The following DUSP15 variants were observed in gnomAD, a reference collection of about 807,000 sequenced individuals.
DUSP15 encodes the protein dual specificity protein phosphatase 15.
A neutral mutation model predicts 26.3 loss-of-function variants in DUSP15; 23 were observed. The observed-to-expected ratio is 0.87, with a 90% CI of 0.63 to 1.24. The LOEUF (loss-of-function observed/expected upper bound fraction) is 1.24, where lower values mean the gene tolerates loss of function less well. Among genes scored for constraint, DUSP15 ranks in the 50% most tolerant of loss-of-function variants. The pLI is 0.00. For missense variants in DUSP15, 364 were observed against 320.6 expected (o/e 1.14, Z -1.03); for synonymous variants, 143 against 135.5 (o/e 1.06, Z -0.39).
intron 6 of DUSP15, among the ~76,000 whole-genome samples, chr20:31,855,885 C>T (rs1440749337): frequency 2.0e-5 from 3 of 152,122 alleles, no homozygotes; most frequent in Non-Finnish European, 4.4e-5. Context: ...TGAGTTGGAG[C>T]TTAATAAATG....
intron 6 of DUSP15, among the ~76,000 whole-genome samples, chr20:31,852,470 G>A (rs2062486325): frequency 6.6e-6 from 1 of 152,210 alleles, no homozygotes; most frequent in African/African-American, 2.4e-5. Flanking sequence ...TCCAGGGGCA[G>A]GATGGTACCT....
chr20:31,862,878 TC>T, intron 5 of DUSP15, 136 bp from the exon 6 acceptor site: 2 of 881,988 alleles, frequency 2.3e-6, no homozygotes, highest in Non-Finnish European at 1.7e-6. Context: ...GGACTTGCCA[TC>T]CCACCTCCAG....
chr20:31,845,966 CAA>C (rs1568645957), downstream of DUSP15, among the ~76,000 whole-genome samples: 1 of 151,914 alleles, frequency 6.6e-6, no homozygotes, highest in Non-Finnish European at 1.5e-5. Flanking sequence ...AGAGACATCA[CAA>C]GAGGGAGAAA....
intron 8 of DUSP15, chr20:31,848,929 A>G (rs756595754): frequency 6.3e-7 from 1 of 1,586,628 alleles, no homozygotes; most frequent in Admixed American, 1.7e-5. Context: ...CAATTATACG[A>G]CACTGAGACT....
intron 6 of DUSP15, among the ~76,000 whole-genome samples, chr20:31,852,770 C>T (rs1190903126): frequency 1.3e-5 from 2 of 152,194 alleles, no homozygotes; most frequent in Admixed American, 1.3e-4. Context: ...GAGATCTCGC[C>T]ATTGCACTCC....
intron 6 of DUSP15, among the ~76,000 whole-genome samples, chr20:31,861,918 C>A (rs1211821460): frequency 1.3e-5 from 2 of 152,092 alleles, no homozygotes; most frequent in African/African-American, 2.4e-5. Flanking sequence ...CTTTGACACG[C>A]CAGCTTCCAG....
At chr20:31,849,978 G>A (rs2062441141) in intron 7 of DUSP15, 2 of 1,375,040 alleles carry the variant, frequency 1.5e-6, no homozygotes, top group African/African-American at 1.5e-5. Context: ...GGTCGTCCCA[G>A]CCTCTACCTC....
At chr20:31,861,824 C>T (rs535044751) in intron 6 of DUSP15, 149 bp from the exon 7 acceptor site, 18 of 643,102 alleles carry the variant, frequency 2.8e-5, no homozygotes, top group Middle Eastern at 4.4e-4. Flanking sequence ...TCTTCTTTGC[C>T]TCCCTTCTCC....
chr20:31,862,597 C>A lies in DUSP15; in HGVS notation c.409G>T (p.Glu137Ter). Reference protein sequence around the residue: ...PNPGFRQQLEEFGWASSQKLR... With the variant: ...PNPGFRQQLE ...TTCTGGGAACTGGCCCAGCCAAACT[C>A]TTCAAGCTGCTGCCTAAAGCCTGGG... Residue 137 changes from glutamate to a stop codon, truncating the protein, a stop_gained, in exon 6 of 7, where the codon GAG becomes TAG. Transcript: ENST00000339738. LOFTEE classifies it high-confidence loss of function. The A allele has an allele frequency of 1.2e-6, 2 of 1,613,564 alleles. No individual in the cohort carries two copies. Among genetic ancestry groups the A allele is most frequent in the Non-Finnish European group, 8.5e-7 (1 of 1,179,654 alleles).
intron 6 of DUSP15, among the ~76,000 whole-genome samples, chr20:31,862,186 A>T (rs2062675639): frequency 6.6e-6 from 1 of 151,868 alleles, no homozygotes; most frequent in Non-Finnish European, 1.5e-5. Flanking sequence ...TCTGCCCGAG[A>T]GGTATAAGAG....
intron 4 of DUSP15, chr20:31,864,204 A>G: frequency 7.5e-7 from 1 of 1,339,038 alleles, no homozygotes; most frequent in Non-Finnish European, 9.6e-7. Flanking sequence ...ACCAGTCAGG[A>G]CAAATCTCAC....
At chr20:31,859,299 T>G (rs891292681), downstream of DUSP15, among the ~76,000 whole-genome samples, 25 of 140,022 alleles carry the variant, frequency 1.8e-4, no homozygotes, top group Middle Eastern at 3.7e-3. Flanking sequence ...TGCATTTTTT[T>G]GGGGGGGGGG....
At chr20:31,854,577 C>G (rs2062529955) in intron 6 of DUSP15, among the ~76,000 whole-genome samples, 1 of 152,060 alleles carries the variant, frequency 6.6e-6, no homozygotes, top group African/African-American at 2.4e-5. Context: ...CACAGGACAC[C>G]CCCAGTATGT....
chr20:31,864,156 G>T (rs1216170522), intron 4 of DUSP15, 175 bp from the exon 5 acceptor site: 1 of 1,403,306 alleles, frequency 7.1e-7, no homozygotes, highest in South Asian at 1.6e-5. Context: ...GTGTGTTTGT[G>T]TGAAGCAAGA....
Position 31,861,595 on chromosome 20 carries a change from G to C in DUSP15, c.516C>G (p.Cys172Trp), listed in dbSNP as rs767556843. 30 of 1,491,422 alleles carry C rather than the reference G, an allele frequency of 2.0e-5. No individual in the cohort carries two copies. Among genetic ancestry groups the C allele is most frequent in the Non-Finnish European group, 5.3e-6 (6 of 1,129,032 alleles). 92.4% of individuals were successfully genotyped at this position (1,491,422 alleles called of 1,614,324 possible). The change falls in exon 7 of 7, where the codon TGC (cysteine) becomes TGG (tryptophan). Residue 172 changes from cysteine (C) to tryptophan (W), a missense_variant. Coordinates refer to ENST00000339738, the MANE Select transcript of DUSP15 (RefSeq NM_080611.5). ...TCGCGGAGCCCTGCCGGCAGCGCTT[G>C]CACAGCGGCAGCAGCGCGCGCAACT... ...EEELRALLPLCKRCRQGSATS... is the reference protein window; with the variant it reads ...EEELRALLPLWKRCRQGSATS...
chr20:31,852,912 C>A (rs1301855044), intron 6 of DUSP15, among the ~76,000 whole-genome samples: 1 of 152,206 alleles, frequency 6.6e-6, no homozygotes. Flanking sequence ...TCGTTTCTTC[C>A]AGGTGGAGGG....
intron 4 of DUSP15, chr20:31,864,230 ACTC>A: frequency 1.1e-5 from 14 of 1,249,794 alleles, no homozygotes; most frequent in African/African-American, 1.5e-5. Flanking sequence ...AGGCAGGAGC[ACTC>A]CTCCTGTGGA....
intron 6 of DUSP15, among the ~76,000 whole-genome samples, chr20:31,854,723 A>G (rs1272422439): frequency 6.6e-6 from 1 of 152,180 alleles, no homozygotes; most frequent in Non-Finnish European, 1.5e-5. Context: ...GGGGTCAGTG[A>G]GCAGCCTGGT....
At chr20:31,848,712 A>G (rs1468216345) in intron 9 of DUSP15, 11 of 1,486,804 alleles carry the variant, frequency 7.4e-6, no homozygotes, top group Non-Finnish European at 1.0e-5. Context: ...TAGAAGTGTC[A>G]GAGGCAGAGC....
Sources: allele counts gnomAD v4.1 joint callset (sites outside exome capture counted in the v4.1 genomes callset), GRCh38; gene constraint gnomAD v4.1.1; transcripts MANE v1.5; gene names NCBI Gene and HGNC (gene_info 2026-07-23, HGNC 2026-07-21).